Variants in PTGER4 observed in about 807,000 individuals in gnomAD.
PTGER4 encodes the protein prostaglandin E2 receptor EP4 subtype.
In PTGER4, 11 loss-of-function variants were observed where a neutral mutation model predicts 33.2. That is an observed-to-expected ratio of 0.33 (90% CI 0.21 to 0.55). The LOEUF is 0.55. Ranked by LOEUF, PTGER4 falls within the 20% of genes least tolerant of loss-of-function variation. The pLI, the probability that PTGER4 is intolerant of heterozygous loss-of-function variation, is 0.92. For synonymous variants in PTGER4, 275 were observed against 281.5 expected (o/e 0.98, Z 0.23); for missense variants, 481 against 650.2 (o/e 0.74, Z 2.83).
the PTGER4 span, among the ~76,000 whole-genome samples, chr5:40,728,812 G>A: frequency 6.6e-6 from 1 of 152,048 alleles, no homozygotes; most frequent in African/African-American, 2.4e-5. Flanking sequence ...TGGTTTTCAG[G>A]GAACCCCAGG....
rs1471036172 is a variant in PTGER4 at position 40,685,988 on chromosome 5, A to G, written c.867+4128A>G. Among the ~76,000 whole-genome samples, 4 of 152,224 alleles carry G rather than the reference A, an allele frequency of 2.6e-5. No homozygotes were observed. The East Asian group carries it at 7.7e-4, about 29-fold the overall frequency. On this transcript the variant is annotated intron_variant, in intron 2 of 2. Coordinates refer to ENST00000302472, the MANE Select transcript of PTGER4 (RefSeq NM_000958.3). The stretch of plus-strand genomic sequence containing the variant: ...TTTCAGTGTAGAGGTTGACCTATAA[A>G]GCCTGTAGAGATTTAACTTGCCTTC...
At chr5:40,695,404 A>G (rs1741566529), downstream of PTGER4, among the ~76,000 whole-genome samples, 1 of 148,492 alleles carries the variant, frequency 6.7e-6, no homozygotes. Flanking sequence ...TTAGACAGGC[A>G]TGGTGGCGGG....
At chr5:40,730,261 C>T in the PTGER4 span, 1 of 1,592,804 alleles carries the variant, frequency 6.3e-7, no homozygotes, top group Non-Finnish European at 8.6e-7. Flanking sequence ...ATAATTATTA[C>T]CTGTGATTTC....
chr5:40,683,383 TAC>T lies in PTGER4; in HGVS notation c.867+1525_867+1526del, dbSNP rs1741245314. 6.6e-6 allele frequency among the ~76,000 whole-genome samples: 1 copy of T among 152,202 alleles called. No homozygotes were observed. Among genetic ancestry groups the T allele is most frequent in the Non-Finnish European group, 1.5e-5 (1 of 68,040 alleles). On this transcript the variant is annotated intron_variant, in intron 2 of 2. Coordinates refer to ENST00000302472, the MANE Select transcript of PTGER4 (RefSeq NM_000958.3). The surrounding 1 kb of genome is among the most constrained non-coding windows in gnomAD (Gnocchi z 4.2). ...AGCCATTCCAGGACCCAATATAATTTACAGAGTTAAGTCACACTTGAGCCACA... is the reference window on the plus strand; with the variant it reads ...AGCCATTCCAGGACCCAATATAATTTAGAGTTAAGTCACACTTGAGCCACA...
chr5:40,700,326 C>G, the PTGER4 span, among the ~76,000 whole-genome samples: 2 of 152,254 alleles, frequency 1.3e-5, no homozygotes, highest in African/African-American at 2.4e-5. Context: ...CCAGTACTAA[C>G]TCAGCAACTC....
Position 40,680,870 on chromosome 5 carries a change from C to G in PTGER4, c.-43-81C>G, listed in dbSNP as rs1741165167. On this transcript the variant is annotated intron_variant, in intron 1 of 2. Coordinates refer to ENST00000302472, the MANE Select transcript of PTGER4 (RefSeq NM_000958.3). The surrounding 1 kb of genome is among the most constrained non-coding windows in gnomAD (Gnocchi z 5.5). ...TGCTCCCCTTGTCTTATCAGTGTATCGTTTCTCGGGCGCGGGTCTAACACC... is the reference window on the plus strand; with the variant it reads ...TGCTCCCCTTGTCTTATCAGTGTATGGTTTCTCGGGCGCGGGTCTAACACC... 1 of 1,232,748 alleles carries G rather than the reference C, an allele frequency of 8.1e-7. No homozygotes were observed. Among genetic ancestry groups the G allele is most frequent in the African/African-American group, 1.5e-5 (1 of 66,326 alleles). The allele number at this position is 1,232,748 out of a possible 1,614,324, so 76.4% of individuals were successfully genotyped here.
chr5:40,724,915 C>A, the PTGER4 span, among the ~76,000 whole-genome samples: 13 of 147,386 alleles, frequency 8.8e-5, no homozygotes, highest in African/African-American at 3.3e-4. Flanking sequence ...TGCAGTGGTG[C>A]GATCTCAGCT....
chr5:40,738,604 T>TAAAATAAAAA, the PTGER4 span, among the ~76,000 whole-genome samples: 1 of 141,408 alleles, frequency 7.1e-6, no homozygotes, highest in Admixed American at 6.9e-5. Flanking sequence ...TAAAATAAAA[T>TAAAATAAAAA]AAAAAAGTGA....
the PTGER4 span, among the ~76,000 whole-genome samples, chr5:40,701,386 A>G: frequency 6.6e-6 from 1 of 152,246 alleles, no homozygotes; most frequent in East Asian, 1.9e-4. Flanking sequence ...TCACAATGTA[A>G]TCACAAGTAT....
At chr5:40,746,310 T>A in the PTGER4 span, among the ~76,000 whole-genome samples, 3 of 152,180 alleles carry the variant, frequency 2.0e-5, no homozygotes, top group Non-Finnish European at 2.9e-5. Context: ...GAAGCTATTA[T>A]CAACTTCCTG....
At chr5:40,738,519 A>AAATAAAATAC in the PTGER4 span, among the ~76,000 whole-genome samples, 1 of 69,046 alleles carries the variant, frequency 1.4e-5, no homozygotes, top group Non-Finnish European at 3.0e-5. Context: ...AAATACAATA[A>AAATAAAATAC]AATAAAATAC....
rs770899685 is a variant in PTGER4 at position 40,681,858 on chromosome 5, G to A, written c.865G>A (p.Val289Met). Residue 289 changes from valine (V) to methionine (M), a missense_variant and splice_region_variant, in exon 2 of 3, where the codon GTG becomes ATG. By Grantham distance (21) the Val-to-Met change is conservative (BLOSUM62 1). Around this residue, in one of 7 missense-constraint regions of PTGER4, gnomAD observed 174 missense variants for 210.5 expected, o/e 0.83. Coordinates refer to ENST00000302472, the MANE Select transcript of PTGER4 (RefSeq NM_000958.3). The surrounding 1 kb of genome is among the most constrained non-coding windows in gnomAD (Gnocchi z 9.8). ...GGTGCTCATCTGCTCCATCCCGCTC[G>A]TGGTGAGTGACCGGGGCTGGGGCCC... is the stretch of plus-strand genomic sequence containing the variant. ...LVVLICSIPL[V>M]VRVFVNQLYQ... 6 of 1,510,184 alleles carry A rather than the reference G, an allele frequency of 4.0e-6. No individual in the cohort carries two copies. The East Asian group carries it at 1.3e-4, about 32-fold the overall frequency. 93.5% of individuals were successfully genotyped at this position (1,510,184 alleles called of 1,614,324 possible).
In PTGER4 at chr5:40,691,373, G is replaced by C. The variant is rs560030025; in HGVS notation, c.868-406G>C. On this transcript the variant is annotated intron_variant, in intron 2 of 2. Transcript: ENST00000302472. This position sits in a 1 kb window ranked among gnomAD's most constrained non-coding sequence, Gnocchi z 4.2. ...ATTTTTGTATTTTTAGTAGAGATGG[G>C]GTTTCACCATGTTGGCCAGGAGGTT... Among the ~76,000 whole-genome samples, 1 of 152,324 alleles carries C rather than the reference G, an allele frequency of 6.6e-6. No homozygotes were observed. The highest frequency in any genetic ancestry group is 2.1e-4 in the South Asian group (1 of 4,830).
At chr5:40,724,460 C>G in the PTGER4 span, among the ~76,000 whole-genome samples, 1 of 152,038 alleles carries the variant, frequency 6.6e-6, no homozygotes, top group Non-Finnish European at 1.5e-5. Flanking sequence ...CGGTGAAACC[C>G]TGTCTCTACT....
the PTGER4 span, among the ~76,000 whole-genome samples, chr5:40,734,978 G>A: frequency 1.3e-5 from 2 of 152,232 alleles, no homozygotes; most frequent in African/African-American, 2.4e-5. Context: ...CATTCAAGCT[G>A]AGACCTGAGT....
the PTGER4 span, among the ~76,000 whole-genome samples, chr5:40,743,307 G>A: frequency 2.0e-5 from 3 of 152,146 alleles, no homozygotes; most frequent in Non-Finnish European, 2.9e-5. Context: ...ATAGCACAAA[G>A]TTGTATAATA....
the PTGER4 span, among the ~76,000 whole-genome samples, chr5:40,739,503 G>C: frequency 6.6e-6 from 1 of 152,136 alleles, no homozygotes; most frequent in African/African-American, 2.4e-5. Flanking sequence ...TTTCCCTCTT[G>C]GTACTGTTCT....
chr5:40,682,315 T>G (rs1346681144), intron 2 of PTGER4, among the ~76,000 whole-genome samples: 1 of 151,920 alleles, frequency 6.6e-6, no homozygotes, highest in African/African-American at 2.4e-5. Context: ...GAAAGTGGGG[T>G]TTTTGGTGTT....
At chr5:40,718,800 C>T in the PTGER4 span, among the ~76,000 whole-genome samples, 1 of 151,798 alleles carries the variant, frequency 6.6e-6, no homozygotes, top group Admixed American at 6.6e-5. Flanking sequence ...AATTTGGAGG[C>T]TGAGGCAGGA....
Sources: allele counts gnomAD v4.1 joint callset (sites outside exome capture counted in the v4.1 genomes callset), GRCh38; gene constraint gnomAD v4.1.1; regional missense constraint gnomAD v4.1.1; non-coding constraint Gnocchi (gnomAD v3.1); transcripts MANE v1.5; gene names NCBI Gene and HGNC (gene_info 2026-07-23, HGNC 2026-07-21).